BLNK: variants seen among roughly 807,000 people sequenced by gnomAD.
The protein encoded by BLNK is B-cell linker protein.
Under a neutral mutation model 73.5 loss-of-function variants are expected in BLNK, and 29 were observed. The observed-to-expected ratio is 0.39, with a 90% CI of 0.29 to 0.54. The LOEUF (loss-of-function observed/expected upper bound fraction) is 0.54, where lower values mean the gene tolerates loss of function less well. BLNK is among the 20% of genes least tolerant of loss of function. BLNK has a pLI of 0.61. For missense variants in BLNK, 460 were observed against 562.8 expected (o/e 0.82, Z 1.85); for synonymous variants, 176 against 200.8 (o/e 0.88, Z 1.04).
chr10:96,216,787 T>C (rs1591317719), intron 6 of BLNK, 53 bp from the exon 7 acceptor site: 4 of 1,464,080 alleles, frequency 2.7e-6, no homozygotes, highest in East Asian at 2.3e-5. Flanking sequence ...CATAGTTGAC[T>C]GTATGGGAGG....
Position 96,199,908 on chromosome 10 carries a change from C to T in BLNK, c.1095+167G>A, listed in dbSNP as rs1000702250. 7 of 350,018 alleles carry T rather than the reference C, an allele frequency of 2.0e-5. No homozygotes were observed. The South Asian group carries it at 4.9e-4, about 25-fold the overall frequency. 21.7% of individuals were successfully genotyped at this position (350,018 alleles called of 1,614,324 possible). ...GCTTGGGGGCACACACATGTAATCCCAGCTGCTTGGGAGGCTGAGGCATGA... is the reference window on the plus strand; with the variant it reads ...GCTTGGGGGCACACACATGTAATCCTAGCTGCTTGGGAGGCTGAGGCATGA... On this transcript the variant is annotated intron_variant, in intron 15 of 16. Coordinates refer to ENST00000224337, the MANE Select transcript of BLNK (RefSeq NM_013314.4).
chr10:96,247,131 A>G, intron 1 of BLNK, 82 bp from the exon 2 acceptor site: 4 of 941,534 alleles, frequency 4.2e-6, no homozygotes, highest in South Asian at 1.6e-5. Flanking sequence ...CTCGAATACA[A>G]AAAAGGGGAA....
intron 3 of BLNK, chr10:96,239,228 C>T (rs1209089165): frequency 1.1e-4 from 44 of 398,572 alleles, no homozygotes; most frequent in Non-Finnish European, 1.8e-4. Flanking sequence ...ATGCCTAAAG[C>T]CAGGGAATGT....
intron 4 of BLNK, among the ~76,000 whole-genome samples, chr10:96,229,050 A>G (rs1395867020): frequency 1.3e-5 from 2 of 152,214 alleles, no homozygotes; most frequent in Non-Finnish European, 2.9e-5. Context: ...TGGGGTATCC[A>G]TCACTCAAGC....
Position 96,189,498 on chromosome 10 carries a change from G to C in BLNK, c.*2475C>G, listed in dbSNP as rs1199733582. On this transcript the variant is annotated 3_prime_UTR_variant, in exon 17 of 17. Coordinates refer to ENST00000224337, the MANE Select transcript of BLNK (RefSeq NM_013314.4). ...TTTTTCTATACTTGCTTGCATTTTT[G>C]ATTTAATGTCTTCTACAGAACTAGG... is the stretch of plus-strand genomic sequence containing the variant. 1.6e-6 allele frequency: 1 copy of C among 637,146 alleles called. No individual in the cohort carries two copies. Among genetic ancestry groups the C allele is most frequent in the Non-Finnish European group, 2.9e-6 (1 of 341,638 alleles). The allele number at this position is 637,146 out of a possible 1,614,324, so 39.5% of individuals were successfully genotyped here. A position where few individuals can be genotyped will look rare whatever the true frequency, so the allele number is the denominator to read the frequency against.
At chr10:96,257,602 T>C (rs1843570924) in intron 1 of BLNK, among the ~76,000 whole-genome samples, 1 of 152,256 alleles carries the variant, frequency 6.6e-6, no homozygotes, top group Admixed American at 6.5e-5. Flanking sequence ...CATCATGGAT[T>C]TCTGGGCATT....
chr10:96,220,600 T>C (rs781808888), intron 6 of BLNK, among the ~76,000 whole-genome samples: 2 of 152,212 alleles, frequency 1.3e-5, no homozygotes, highest in Non-Finnish European at 2.9e-5. Flanking sequence ...TGTGGTCTTA[T>C]TGACCACTTT....
At chr10:96,242,709 G>A in intron 3 of BLNK, 26 bp downstream of exon 3, 1 of 1,603,440 alleles carries the variant, frequency 6.2e-7, no homozygotes, top group Non-Finnish European at 8.5e-7. Flanking sequence ...TCAAGAGTCA[G>A]TTAAAGTATC....
chr10:96,194,389 TA>T (rs2083405760), intron 16 of BLNK, among the ~76,000 whole-genome samples: 1 of 152,118 alleles, frequency 6.6e-6, no homozygotes, highest in African/African-American at 2.4e-5. Flanking sequence ...TTCCCCAATA[TA>T]AAAATTCTAG....
At chr10:96,256,441 TTCTC>T (rs782376984) in intron 1 of BLNK, among the ~76,000 whole-genome samples, 2 of 152,224 alleles carry the variant, frequency 1.3e-5, no homozygotes, top group African/African-American at 2.4e-5. Flanking sequence ...GGTCTGCTGA[TTCTC>T]TAGTTGACTT....
Position 96,200,920 on chromosome 10 carries a change from G to T in BLNK, c.1011+62C>A. On this transcript the variant is annotated intron_variant, in intron 14 of 16. Coordinates refer to ENST00000224337, the MANE Select transcript of BLNK (RefSeq NM_013314.4). The surrounding 1 kb of genome is among the most constrained non-coding windows in gnomAD (Gnocchi z 4.3). ...CACTCCAAATGTCTTCTTCTCAGAA[G>T]ACATGCTCTTTCCTGCAGTTTCCTG... 1 of 1,422,910 alleles carries T rather than the reference G, an allele frequency of 7.0e-7. No homozygotes were observed. Among genetic ancestry groups the T allele is most frequent in the Non-Finnish European group, 9.9e-7 (1 of 1,005,988 alleles). 88.1% of individuals were successfully genotyped at this position (1,422,910 alleles called of 1,614,324 possible).
chr10:96,253,859 CA>C (rs782234797), intron 1 of BLNK, among the ~76,000 whole-genome samples: 182 of 139,458 alleles, frequency 1.3e-3, no homozygotes, highest in Middle Eastern at 3.6e-3. Context: ...ACTAAAAATA[CA>C]AAAAAAAAAA....
intron 13 of BLNK, among the ~76,000 whole-genome samples, chr10:96,203,418 A>G (rs1255849978): frequency 2.0e-5 from 3 of 152,198 alleles, no homozygotes; most frequent in African/African-American, 7.2e-5. Context: ...GTTTATTTAA[A>G]TGGATTTAAG....
Position 96,204,082 on chromosome 10 carries a change from G to A in BLNK, c.909C>T (p.Ile303=). The change falls in exon 13 of 17, where the codon ATC becomes ATT. Residue 303 remains isoleucine (I), a synonymous_variant. Coordinates refer to ENST00000224337, the MANE Select transcript of BLNK (RefSeq NM_013314.4). ...TTGGCAGAGGTATGGGTTTTTGGTG[G>A]ATTTGTCTGCAAGAAAGAATTTCAG... ...SPVFPPAQKQ[I]HQKPIPLPRF... is the part of the protein sequence containing the mutation. 1 of 1,613,836 alleles carries A rather than the reference G, an allele frequency of 6.2e-7. No homozygotes were observed. Among genetic ancestry groups the A allele is most frequent in the African/African-American group, 1.3e-5 (1 of 75,022 alleles).
At chr10:96,232,282 C>A (rs587663465) in intron 3 of BLNK, among the ~76,000 whole-genome samples, 103 of 151,592 alleles carry the variant, frequency 6.8e-4, no homozygotes, top group Non-Finnish European at 2.2e-4. Context: ...TCAACAGAAC[C>A]TTTTCTAGTT....
At chr10:96,199,298 G>A (rs1235597529) in intron 15 of BLNK, among the ~76,000 whole-genome samples, 1 of 152,244 alleles carries the variant, frequency 6.6e-6, no homozygotes, top group Non-Finnish European at 1.5e-5. Flanking sequence ...TGTCCAAGCT[G>A]TCCCTGGTGT....
chr10:96,215,267 T>G (rs2084037092), intron 8 of BLNK, 54 bp downstream of exon 8: 1 of 1,534,170 alleles, frequency 6.5e-7, no homozygotes, highest in East Asian at 2.2e-5. Flanking sequence ...AGTTGATCTG[T>G]TTTTCTTATT....
chr10:96,236,794 C>A (rs1389914434), intron 3 of BLNK, among the ~76,000 whole-genome samples: 4 of 152,074 alleles, frequency 2.6e-5, no homozygotes, highest in African/African-American at 9.7e-5. Context: ...CCCCTGGACC[C>A]CAGCCTGGGT....
chr10:96,235,641 A>G (rs910309836), intron 3 of BLNK, among the ~76,000 whole-genome samples: 6 of 152,238 alleles, frequency 3.9e-5, no homozygotes, highest in Non-Finnish European at 8.8e-5. Flanking sequence ...GGGAAAGTTC[A>G]GAGAAAGGTG....
Sources: gnomAD v4.1 joint callset for allele counts (sites outside exome capture counted in the v4.1 genomes callset) on GRCh38, gnomAD v4.1.1 for gene constraint, Gnocchi (gnomAD v3.1) non-coding constraint, MANE v1.5 for transcripts, NCBI Gene and HGNC (gene_info 2026-07-23, HGNC 2026-07-21) for gene names.